The following ZC3H12B variants were observed in gnomAD, a reference collection of about 807,000 sequenced individuals.
ZC3H12B encodes the protein probable ribonuclease ZC3H12B.
A neutral mutation model predicts 43.9 loss-of-function variants in ZC3H12B; 7 were observed. The ratio of observed to expected loss-of-function variants is 0.16; its 90% CI spans 0.09 to 0.30. The LOEUF is 0.30. Ranked by LOEUF, ZC3H12B falls within the 10% of genes least tolerant of loss-of-function variation. ZC3H12B has a pLI of 1.00. For missense variants in ZC3H12B, 475 were observed against 670.2 expected, an observed-to-expected ratio of 0.71 and a Z score of 3.22; for synonymous variants, 222 against 241.7, an observed-to-expected ratio of 0.92 and a Z score of 0.76.
chrX:65,123,385 C>A, the ZC3H12B span, among the ~76,000 whole-genome samples: 1 of 111,024 alleles, frequency 9.0e-6, no homozygotes, highest in Non-Finnish European at 1.9e-5. Context: ...TTCTAAAATT[C>A]TCTTTTTGTG....
At chrX:65,295,540 A>T in the ZC3H12B span, among the ~76,000 whole-genome samples, 1 of 111,549 alleles carries the variant, frequency 9.0e-6, no homozygotes, top group African/African-American at 3.3e-5. Context: ...CAACAGAAGA[A>T]GAGTCATAAC....
At chrX:65,204,128 T>G in the ZC3H12B span, among the ~76,000 whole-genome samples, 1 of 112,409 alleles carries the variant, frequency 8.9e-6, no homozygotes, top group African/African-American at 3.2e-5. Context: ...AGCAGTGTTG[T>G]CAATTCAAAA....
At chrX:65,190,688 G>A in the ZC3H12B span, among the ~76,000 whole-genome samples, 2 of 110,090 alleles carry the variant, frequency 1.8e-5, no homozygotes, top group African/African-American at 6.6e-5. Context: ...TCATCTTCAG[G>A]AGATTTTGGG....
chrX:65,251,845 T>C, the ZC3H12B span, among the ~76,000 whole-genome samples: 4 of 111,428 alleles, frequency 3.6e-5, no homozygotes, highest in African/African-American at 1.3e-4. Flanking sequence ...GCTGAGATGA[T>C]GGGGTTTTCT....
the ZC3H12B span, chrX:65,186,688 C>T: frequency 9.0e-6 from 1 of 110,757 alleles, no homozygotes; most frequent in Admixed American, 9.7e-5. Context: ...TCACCACCCT[C>T]TACCCTTTTT....
At chrX:65,066,857 G>T in the ZC3H12B span, among the ~76,000 whole-genome samples, 1 of 111,946 alleles carries the variant, frequency 8.9e-6, no homozygotes, top group Non-Finnish European at 1.9e-5. Context: ...GGAATCTAGA[G>T]AGGCAGTCTG....
At chrX:65,236,595 T>G in the ZC3H12B span, among the ~76,000 whole-genome samples, 2 of 112,026 alleles carry the variant, frequency 1.8e-5, no homozygotes, top group African/African-American at 6.5e-5. Context: ...CAATTGCTTT[T>G]GGCATTTTTA....
chrX:65,065,125 C>T, the ZC3H12B span, among the ~76,000 whole-genome samples: 4 of 111,130 alleles, frequency 3.6e-5, no homozygotes, highest in Non-Finnish European at 7.5e-5. Context: ...TTAATTGGAG[C>T]ATTTAGCCCA....
At chrX:65,492,210 A>T (rs887927951) in intron 1 of ZC3H12B, among the ~76,000 whole-genome samples, 7 of 111,717 alleles carry the variant, frequency 6.3e-5, no homozygotes, top group African/African-American at 2.3e-4. Context: ...AACCTAAGGC[A>T]TTATTGGGGA....
intron 3 of ZC3H12B, among the ~76,000 whole-genome samples, chrX:65,467,609 A>G (rs1352822607): frequency 3.6e-5 from 4 of 112,044 alleles, no homozygotes; most frequent in Non-Finnish European, 7.5e-5. Flanking sequence ...CCAAGCCAAC[A>G]TCTATTTGCT....
At chrX:65,280,669 A>G in the ZC3H12B span, among the ~76,000 whole-genome samples, 53 of 112,345 alleles carry the variant, frequency 4.7e-4, no homozygotes, top group Non-Finnish European at 8.4e-4. Context: ...GTTAGAATTG[A>G]TAAACAAATT....
the ZC3H12B span, among the ~76,000 whole-genome samples, chrX:65,057,474 C>G: frequency 8.9e-6 from 1 of 111,950 alleles, no homozygotes. Context: ...ATGGGCTTCC[C>G]TTTGTGGGTA....
At chrX:65,176,007 C>T in the ZC3H12B span, among the ~76,000 whole-genome samples, 18 of 109,218 alleles carry the variant, frequency 1.6e-4, no homozygotes, top group Non-Finnish European at 3.1e-4. Context: ...TTTTTTCATG[C>T]CCCAGTGGCG....
the ZC3H12B span, among the ~76,000 whole-genome samples, chrX:65,059,938 T>A: frequency 1.8e-5 from 2 of 112,208 alleles, no homozygotes; most frequent in African/African-American, 6.5e-5. Flanking sequence ...ATCTTTCACT[T>A]CTTTGGTTAA....
the ZC3H12B span, among the ~76,000 whole-genome samples, chrX:65,211,665 T>C: frequency 3.3e-5 from 3 of 89,968 alleles, no homozygotes; most frequent in South Asian, 4.8e-4. Flanking sequence ...ATATACATAA[T>C]ATATATTATA....
chrX:65,452,245 A>C (rs1158941963), intron 3 of ZC3H12B, among the ~76,000 whole-genome samples: 1 of 111,472 alleles, frequency 9.0e-6, no homozygotes, highest in Non-Finnish European at 1.9e-5. Context: ...TCAAACGATC[A>C]CTGTTTGCTG....
At chrX:65,151,247 A>T in the ZC3H12B span, among the ~76,000 whole-genome samples, 2 of 111,900 alleles carry the variant, frequency 1.8e-5, no homozygotes, top group Non-Finnish European at 3.8e-5. Context: ...CCAAGAAAAA[A>T]TTTTTCCATT....
chrX:65,089,840 T>C, the ZC3H12B span, among the ~76,000 whole-genome samples: 1 of 111,286 alleles, frequency 9.0e-6, no homozygotes, highest in African/African-American at 3.3e-5. Flanking sequence ...CTATTCAGGA[T>C]CAAGATAATC....
the ZC3H12B span, among the ~76,000 whole-genome samples, chrX:65,068,330 C>T: frequency 9.1e-6 from 1 of 110,019 alleles, no homozygotes; most frequent in African/African-American, 3.3e-5. Flanking sequence ...AGGTTCTTTT[C>T]TCTGGTGATA....
Sources: gnomAD v4.1 joint callset for allele counts (sites outside exome capture counted in the v4.1 genomes callset) on GRCh38, gnomAD v4.1.1 for gene constraint, MANE v1.5 for transcripts, NCBI Gene and HGNC (gene_info 2026-07-23, HGNC 2026-07-21) for gene names.